The following OR8D4 variants were observed in gnomAD, a reference collection of about 807,000 sequenced individuals.
The protein encoded by OR8D4 is olfactory receptor 8D4.
For synonymous variants in OR8D4, 141 were observed against 134.8 expected, an observed-to-expected ratio of 1.05 and a Z score of -0.32; for missense variants, 359 against 372.6, an observed-to-expected ratio of 0.96 and a Z score of 0.30.
At position 123,906,582 on chromosome 11, in the gene OR8D4, C is replaced by T. The variant is rs57888441; in HGVS notation, c.151C>T (p.Leu51=). 5.6e-6 allele frequency: 9 copies of T among 1,613,954 alleles called. No homozygotes were observed. The African/African-American group carries it at 1.1e-4, about 19-fold the overall frequency. Residue 51 remains leucine, a synonymous_variant, in exon 2 of 2, where the codon CTG becomes TTG. Transcript: ENST00000641687. ...GNLSMISIIR[L]NRQLHTPMYY... Reference sequence around the variant, plus strand: ...CCTCAGCATGATCTCAATTATTAGGCTGAATCGTCAACTTCATACCCCCAT... The same window carrying T: ...CCTCAGCATGATCTCAATTATTAGGTTGAATCGTCAACTTCATACCCCCAT...
At chr11:123,905,426 C>T (rs1863191870) in intron 1 of OR8D4, among the ~76,000 whole-genome samples, 1 of 152,202 alleles carries the variant, frequency 6.6e-6, no homozygotes, top group South Asian at 2.1e-4. Context: ...AGGACTGAGG[C>T]ATCCTCCAGT....
At position 123,906,478 on chromosome 11, in the gene OR8D4, G is replaced by A. The variant is rs769496963; in HGVS notation, c.47G>A (p.Gly16Glu). The A allele has an allele frequency of 1.2e-6, 2 of 1,613,166 alleles. No individual in the cohort carries two copies. The highest frequency in any genetic ancestry group is 1.7e-5 in the Admixed American group (1 of 59,926). The stretch of plus-strand genomic sequence containing the variant: ...ACAGTGACTGAGTTTCTTCTTTCAG[G>A]ATTAACTGAACAAGCAGAGCTTCAG... ...HSTVTEFLLS[G>E]LTEQAELQLP... Residue 16 changes from glycine (G) to glutamate (E), a missense_variant, in exon 2 of 2, where the codon GGA (glycine) becomes GAA (glutamate). Gly to Glu is a moderately conservative substitution (Grantham distance 98). Coordinates refer to ENST00000641687, the MANE Select transcript of OR8D4 (RefSeq NM_001005197.2).
chr11:123,905,647 T>C (rs938121874), intron 1 of OR8D4, among the ~76,000 whole-genome samples: 10 of 152,038 alleles, frequency 6.6e-5, no homozygotes, highest in Admixed American at 1.3e-4. Flanking sequence ...TTGGCAAATG[T>C]GTCACTAGCA....
In OR8D4 at chr11:123,907,272, G is replaced by A; in HGVS notation, c.841G>A (p.Val281Met). The A allele has an allele frequency of 6.2e-7, 1 of 1,608,090 alleles. No homozygotes were observed. Among genetic ancestry groups the A allele is most frequent in the Non-Finnish European group, 8.5e-7 (1 of 1,174,682 alleles). The change falls in exon 2 of 2, where the codon GTG becomes ATG. Residue 281 changes from valine to methionine, a missense_variant. Transcript: ENST00000641687. ...AGTATCCTCAGTATTTTATACCACTGTGATTCTCATGTTGAATCCCTTGAT... is the reference window on the plus strand; with the variant it reads ...AGTATCCTCAGTATTTTATACCACTATGATTCTCATGTTGAATCCCTTGAT... Reference protein sequence around the residue: ...EKVSSVFYTTVILMLNPLIYS... With the variant: ...EKVSSVFYTTMILMLNPLIYS...
In OR8D4 at chr11:123,902,697, G is replaced by T. The variant is rs181969489; in HGVS notation, c.-16+440G>T. Among the ~76,000 whole-genome samples, 313 of 152,170 alleles carry T rather than the reference G, an allele frequency of 2.1e-3. 3 individuals carry two copies. Among genetic ancestry groups the T allele is most frequent in the South Asian group, 0.011 (53 of 4,820 alleles). ...ATGATACTGCATCTTATAACTCAGGGTTCATGGTCTTTCTGTTACCTCTGT... is the reference window on the plus strand; with the variant it reads ...ATGATACTGCATCTTATAACTCAGGTTTCATGGTCTTTCTGTTACCTCTGT... On this transcript the variant is annotated intron_variant, in intron 1 of 1. Transcript: ENST00000641687.
In OR8D4 at chr11:123,906,753, G is replaced by A; in HGVS notation, c.322G>A (p.Val108Ile). Reference protein sequence around the residue: ...MIQLFFFCVCVISECYMLAAM... With the variant: ...MIQLFFFCVCIISECYMLAAM... Reference sequence around the variant, plus strand: ...TCAGCTGTTTTTTTTCTGTGTTTGTGTTATTTCTGAATGCTACATGCTGGC... The same window carrying A: ...TCAGCTGTTTTTTTTCTGTGTTTGTATTATTTCTGAATGCTACATGCTGGC... Residue 108 changes from valine to isoleucine, a missense_variant, in exon 2 of 2, where the codon GTT (valine) becomes ATT (isoleucine). Physicochemically the swap from Val to Ile is conservative, Grantham distance 29. Coordinates refer to ENST00000641687, the MANE Select transcript of OR8D4 (RefSeq NM_001005197.2). 2 of 1,613,942 alleles carry A rather than the reference G, an allele frequency of 1.2e-6. No individual in the cohort carries two copies. The highest frequency in any genetic ancestry group is 1.7e-6 in the Non-Finnish European group (2 of 1,179,914).
intron 1 of OR8D4, 107 bp downstream of exon 1, chr11:123,902,364 T>G (rs1863167482): frequency 6.6e-6 from 1 of 152,156 alleles, no homozygotes; most frequent in African/African-American, 2.4e-5. Flanking sequence ...TTGAGGCCAC[T>G]GAGTCACAGA....
intron 1 of OR8D4, 74 bp downstream of exon 1, chr11:123,902,331 C>T (rs1256134614): frequency 6.6e-6 from 1 of 152,040 alleles, no homozygotes; most frequent in Non-Finnish European, 1.5e-5. Flanking sequence ...CCGATTGTCC[C>T]CATGGGTTCT....
chr11:123,903,233 T>G (rs1863175349), intron 1 of OR8D4, among the ~76,000 whole-genome samples: 1 of 152,128 alleles, frequency 6.6e-6, no homozygotes, highest in South Asian at 2.1e-4. Flanking sequence ...GACACCATTT[T>G]AAATCAGGGA....
intron 1 of OR8D4, among the ~76,000 whole-genome samples, chr11:123,904,942 G>A (rs1416323019): frequency 1.3e-5 from 2 of 152,208 alleles, no homozygotes; most frequent in South Asian, 2.1e-4. Flanking sequence ...AGCTCTGGGA[G>A]AGGCCCAACA....
rs529585172 is a variant in OR8D4 at position 123,907,509 on chromosome 11, G to A, written c.*133G>A. 66 of 481,696 alleles carry A rather than the reference G, an allele frequency of 1.4e-4. No homozygotes were observed. Among genetic ancestry groups the A allele is most frequent in the African/African-American group, 1.2e-3 (59 of 50,302 alleles). The allele number at this position is 481,696 out of a possible 1,614,324, so 29.8% of individuals were successfully genotyped here. On this transcript the variant is annotated 3_prime_UTR_variant, in exon 2 of 2. Coordinates refer to ENST00000641687, the MANE Select transcript of OR8D4 (RefSeq NM_001005197.2). ...CGCCTGTAATCCCAGCACTTTGGGAGGCCGAGTTGGGTGGATCACGAGGTC... is the reference window on the plus strand; with the variant it reads ...CGCCTGTAATCCCAGCACTTTGGGAAGCCGAGTTGGGTGGATCACGAGGTC...
intron 1 of OR8D4, 145 bp from the exon 2 acceptor site, chr11:123,906,272 C>G (rs753818711): frequency 6.4e-5 from 37 of 580,796 alleles, no homozygotes; most frequent in Non-Finnish European, 4.2e-5. Context: ...TAGGTAGATG[C>G]TTACCGACTC....
At chr11:123,903,246 T>G (rs1311335716) in intron 1 of OR8D4, among the ~76,000 whole-genome samples, 1 of 152,148 alleles carries the variant, frequency 6.6e-6, no homozygotes, top group Non-Finnish European at 1.5e-5. Flanking sequence ...ATCAGGGACT[T>G]GAGCATTCAG....
At chr11:123,902,943 G>T (rs1863172552) in intron 1 of OR8D4, among the ~76,000 whole-genome samples, 2 of 152,078 alleles carry the variant, frequency 1.3e-5, no homozygotes, top group African/African-American at 2.4e-5. Context: ...TGAATTATAT[G>T]TTGAAATGAT....
rs772691115 is a variant in OR8D4 at position 123,906,506 on chromosome 11, G to A, written c.75G>A (p.Leu25=). The A allele has an allele frequency of 3.7e-6, 6 of 1,613,746 alleles. No homozygotes were observed. Among genetic ancestry groups the A allele is most frequent in the Non-Finnish European group, 4.2e-6 (5 of 1,179,860 alleles). ...TAACTGAACAAGCAGAGCTTCAGCT[G>A]CCCCTCTTCTGCCTCTTCTTAGGAA... ...SGLTEQAELQ[L]PLFCLFLGIY... The change falls in exon 2 of 2, where the codon CTG becomes CTA. Residue 25 remains leucine, a synonymous_variant. Coordinates refer to ENST00000641687, the MANE Select transcript of OR8D4 (RefSeq NM_001005197.2).
At chr11:123,903,630 C>T (rs1863178226) in intron 1 of OR8D4, among the ~76,000 whole-genome samples, 1 of 152,022 alleles carries the variant, frequency 6.6e-6, no homozygotes, top group East Asian at 1.9e-4. Context: ...AATTTGTATC[C>T]CTAGGCTAGT....
chr11:123,905,696 C>T (rs1289372402), intron 1 of OR8D4, among the ~76,000 whole-genome samples: 1 of 152,104 alleles, frequency 6.6e-6, no homozygotes, highest in Non-Finnish European at 1.5e-5. Flanking sequence ...GTTTATGCAC[C>T]TACTTAACTA....
rs534372377 is a variant in OR8D4 at position 123,907,050 on chromosome 11, A to G, written c.619A>G (p.Met207Val). ...LLIFVIGGFN[M>V]VATSLTIIIS... Reference sequence around the variant, plus strand: ...GATTTTTGTCATTGGTGGATTTAACATGGTGGCCACAAGCCTAACAATCAT... The same window carrying G: ...GATTTTTGTCATTGGTGGATTTAACGTGGTGGCCACAAGCCTAACAATCAT... Residue 207 changes from methionine to valine, a missense_variant, in exon 2 of 2, where the codon ATG (methionine) becomes GTG (valine). Transcript: ENST00000641687. 174 of 1,614,074 alleles carry G rather than the reference A, an allele frequency of 1.1e-4. 1 individual carries two copies. In the South Asian group the frequency reaches 1.7e-3, roughly 15 times the overall value.
intron 1 of OR8D4, among the ~76,000 whole-genome samples, chr11:123,905,621 G>T (rs1205868657): frequency 6.6e-6 from 1 of 152,186 alleles, no homozygotes; most frequent in African/African-American, 2.4e-5. Flanking sequence ...GGAAATCCTG[G>T]AGGAAGAGTC....
Sources: allele counts gnomAD v4.1 joint callset (sites outside exome capture counted in the v4.1 genomes callset), GRCh38; gene constraint gnomAD v4.1.1; transcripts MANE v1.5; gene names NCBI Gene and HGNC (gene_info 2026-07-23, HGNC 2026-07-21).